The following BLOC1S5 variants were observed in gnomAD, a reference collection of about 807,000 sequenced individuals.
BLOC1S5 encodes the protein biogenesis of lysosomal organelles complex 1 subunit 5.
BLOC1S5 carries 27 observed loss-of-function variants against 24.3 expected under a neutral mutation model. That is an observed-to-expected ratio of 1.11 (90% confidence interval 0.82 to 1.53). BLOC1S5 has a LOEUF of 1.53. Ranked by LOEUF, BLOC1S5 falls within the 40% of genes most tolerant of loss-of-function variation. BLOC1S5 has a pLI of 0.00. For missense variants in BLOC1S5, 239 were observed against 229.4 expected (o/e 1.04, Z -0.27); for synonymous variants, 84 against 74.5 (o/e 1.13, Z -0.66).
At chr6:8,026,975 A>C (rs141557751) in intron 3 of BLOC1S5, among the ~76,000 whole-genome samples, 3 of 152,344 alleles carry the variant, frequency 2.0e-5, no homozygotes, top group African/African-American at 4.8e-5. Context: ...TTTACAGATG[A>C]CAAAACTGAG....
At chr6:8,022,262 G>A (rs898569299) in intron 4 of BLOC1S5, among the ~76,000 whole-genome samples, 2 of 149,334 alleles carry the variant, frequency 1.3e-5, no homozygotes, top group African/African-American at 2.5e-5. Flanking sequence ...CAGAGGTCAA[G>A]GATGCTGCTA....
In BLOC1S5 at chr6:8,015,884, C is replaced by T. The variant is rs527287980; in HGVS notation, c.385-56G>A. On this transcript the variant is annotated intron_variant, in intron 4 of 4. Transcript: ENST00000397457. ...CATTTTCCAGACAATTATTTCATAA[C>T]GTTATCTCTTGATACTTGGTTACCG... 4.5e-4 allele frequency: 660 copies of T among 1,476,304 alleles called. 7 individuals are homozygous for T. The South Asian group carries it at 7.3e-3, about 16-fold the overall frequency. 91.5% of individuals were successfully genotyped at this position (1,476,304 alleles called of 1,614,324 possible).
At chr6:8,019,616 G>A (rs1228859335) in intron 4 of BLOC1S5, among the ~76,000 whole-genome samples, 1 of 151,630 alleles carries the variant, frequency 6.6e-6, no homozygotes, top group East Asian at 1.9e-4. Context: ...AAGGGGGGGG[G>A]GGCGCCTATA....
chr6:8,050,328 G>A (rs1193783496), intron 2 of BLOC1S5, among the ~76,000 whole-genome samples: 2 of 151,998 alleles, frequency 1.3e-5, no homozygotes, highest in African/African-American at 2.4e-5. Context: ...TATGAATGTT[G>A]GGTCTGTTCT....
At chr6:8,042,440 T>C (rs1169337609) in intron 2 of BLOC1S5, among the ~76,000 whole-genome samples, 2 of 152,218 alleles carry the variant, frequency 1.3e-5, no homozygotes, top group Non-Finnish European at 2.9e-5. Context: ...GGCTGGAAAC[T>C]TGACTAGTAA....
Position 8,037,026 on chromosome 6 carries a change from C to T in BLOC1S5, c.325+4113G>A, listed in dbSNP as rs536674722. Among the ~76,000 whole-genome samples the T allele has an allele frequency of 3.9e-5, 6 of 152,284 alleles. No individual in the cohort carries two copies. In the East Asian group the frequency reaches 1.2e-3, roughly 29 times the overall value. On this transcript the variant is annotated intron_variant, in intron 3 of 4. Transcript: ENST00000397457. ...CTGTGGGCAAACCCACAGCTAACAT[C>T]ATACTGAATGAGGAAAAATTGAGAG...
At position 8,064,373 on chromosome 6, in the gene BLOC1S5, T is replaced by C; in HGVS notation, c.4A>G (p.Ser2Gly). The C allele has an allele frequency of 6.2e-7, 1 of 1,609,202 alleles. No individual in the cohort carries two copies. Among genetic ancestry groups the C allele is most frequent in the African/African-American group, 1.3e-5 (1 of 75,026 alleles). M[S>G]GGGTETPVGC... ...ACAGGGGTCTCTGTCCCTCCGCCAC[T>C]CATCCCGACCAGTTCCGCCCACCCG... The change falls in exon 1 of 5, where the codon AGT (serine) becomes GGT (glycine). Residue 2 changes from serine (S) to glycine (G), a missense_variant. Coordinates refer to ENST00000397457, the MANE Select transcript of BLOC1S5 (RefSeq NM_201280.3).
chr6:8,027,197 TCTTA>T (rs1763137465), intron 3 of BLOC1S5: 2 of 317,404 alleles, frequency 6.3e-6, no homozygotes, highest in South Asian at 2.6e-5. Flanking sequence ...TCATAAATGT[TCTTA>T]CTTACTTTAT....
At chr6:8,024,324 G>C (rs1215686554) in intron 4 of BLOC1S5, among the ~76,000 whole-genome samples, 1 of 151,648 alleles carries the variant, frequency 6.6e-6, no homozygotes, top group Non-Finnish European at 1.5e-5. Context: ...TCAGGAGTTC[G>C]AGACCAGCCT....
chr6:8,038,633 C>T (rs1481919496), intron 3 of BLOC1S5, among the ~76,000 whole-genome samples: 1 of 152,090 alleles, frequency 6.6e-6, no homozygotes, highest in East Asian at 1.9e-4. Context: ...TACAGGCACC[C>T]GCCACCATGC....
At chr6:8,049,095 G>A (rs1014287214) in intron 2 of BLOC1S5, among the ~76,000 whole-genome samples, 2 of 150,596 alleles carry the variant, frequency 1.3e-5, no homozygotes, top group African/African-American at 2.4e-5. Context: ...AAGAGGCCAG[G>A]TACAGTGGTT....
intron 4 of BLOC1S5, among the ~76,000 whole-genome samples, chr6:8,021,081 A>C (rs1280795173): frequency 6.6e-6 from 1 of 152,194 alleles, no homozygotes; most frequent in Non-Finnish European, 1.5e-5. Flanking sequence ...AAAAGAAGAA[A>C]ATTCTGACAC....
chr6:8,045,818 T>C (rs990078998), intron 2 of BLOC1S5, among the ~76,000 whole-genome samples: 4 of 152,206 alleles, frequency 2.6e-5, no homozygotes, highest in East Asian at 3.8e-4. Context: ...TGTAACCCCA[T>C]TGTATCTAGG....
intron 1 of BLOC1S5, among the ~76,000 whole-genome samples, chr6:8,063,899 C>CA (rs886680812): frequency 1.3e-5 from 2 of 152,238 alleles, no homozygotes; most frequent in Non-Finnish European, 2.9e-5. Context: ...GACCCGAAGT[C>CA]ACTCAACTCC....
At chr6:8,046,369 C>CAGGGGTACATGGGAATT in intron 2 of BLOC1S5, among the ~76,000 whole-genome samples, 1 of 152,174 alleles carries the variant, frequency 6.6e-6, no homozygotes. Flanking sequence ...AATGGACTAA[C>CAGGGGTACATGGGAATT]ACAGGGGTAC....
intron 2 of BLOC1S5, among the ~76,000 whole-genome samples, chr6:8,049,912 T>C (rs1764048465): frequency 6.6e-6 from 1 of 152,136 alleles, no homozygotes; most frequent in African/African-American, 2.4e-5. Context: ...GGTTTCATCA[T>C]GTTGCCCAGG....
chr6:8,061,456 A>ATT (rs1764514365), intron 2 of BLOC1S5, among the ~76,000 whole-genome samples: 1 of 152,174 alleles, frequency 6.6e-6, no homozygotes, highest in South Asian at 2.1e-4. Context: ...AACATGTATA[A>ATT]TTAACTTGGC....
At chr6:8,058,661 G>A (rs556750464) in intron 2 of BLOC1S5, among the ~76,000 whole-genome samples, 176 of 152,244 alleles carry the variant, frequency 1.2e-3, no homozygotes, top group Non-Finnish European at 2.1e-3. Flanking sequence ...CTGCACTCCA[G>A]GTTGGGTTAC....
rs1159943104 is a variant in BLOC1S5, at chr6:8,013,736, A to G, written c.*1913T>C. On this transcript the variant is annotated 3_prime_UTR_variant, in exon 5 of 5. Transcript: ENST00000397457. Reference sequence around the variant, plus strand: ...TGTTGGCAATTAATCGCATTCCAAAAAGTGTCTACGGTACAAAGGGAATTT... The same window carrying G: ...TGTTGGCAATTAATCGCATTCCAAAGAGTGTCTACGGTACAAAGGGAATTT... The G allele has an allele frequency of 1.3e-5, 2 of 152,234 alleles. No homozygotes were observed. The highest frequency in any genetic ancestry group is 2.4e-5 in the African/African-American group (1 of 41,468). 9.4% of individuals were successfully genotyped at this position (152,234 alleles called of 1,614,324 possible).
Sources: allele counts gnomAD v4.1 joint callset (sites outside exome capture counted in the v4.1 genomes callset), GRCh38; gene constraint gnomAD v4.1.1; transcripts MANE v1.5; gene names NCBI Gene and HGNC (gene_info 2026-07-23, HGNC 2026-07-21).